TTC7B: variants seen among roughly 807,000 people sequenced by gnomAD.
The protein encoded by TTC7B is tetratricopeptide repeat protein 7B.
TTC7B carries 28 observed loss-of-function variants against 106.8 expected under a neutral mutation model. The ratio of observed to expected loss-of-function variants is 0.26; its 90% CI spans 0.19 to 0.36. TTC7B has a LOEUF of 0.36. TTC7B is among the 10% of genes least tolerant of loss of function. The pLI, the probability that TTC7B is intolerant of heterozygous loss-of-function variation, is 1.00. For synonymous variants in TTC7B, 405 were observed against 430.6 expected, an observed-to-expected ratio of 0.94 and a Z score of 0.74; for missense variants, 862 against 1,076.4, an observed-to-expected ratio of 0.80 and a Z score of 2.79.
chr14:90,593,247 T>C (rs1238839011), intron 18 of TTC7B, among the ~76,000 whole-genome samples: 2 of 152,212 alleles, frequency 1.3e-5, no homozygotes, highest in African/African-American at 2.4e-5. Flanking sequence ...CTTTCCTAGA[T>C]GTCTGCTCTG....
At chr14:90,603,866 T>A (rs990157040) in intron 17 of TTC7B, among the ~76,000 whole-genome samples, 2 of 152,060 alleles carry the variant, frequency 1.3e-5, no homozygotes, top group African/African-American at 4.8e-5. Context: ...TGGGAGGGGG[T>A]GGATTCTCGA....
At chr14:90,729,693 C>T (rs543310635) in intron 5 of TTC7B, among the ~76,000 whole-genome samples, 15 of 152,308 alleles carry the variant, frequency 9.8e-5, no homozygotes, top group African/African-American at 2.9e-4. Flanking sequence ...ACTGAAAGGG[C>T]GATGCTCCTG....
intron 19 of TTC7B, among the ~76,000 whole-genome samples, chr14:90,550,952 C>T (rs1044522166): frequency 1.3e-5 from 2 of 152,198 alleles, no homozygotes; most frequent in Admixed American, 6.5e-5. Flanking sequence ...CCTCTCCTTA[C>T]AGAGCATTAG....
chr14:90,568,973 C>T (rs1354185665), intron 19 of TTC7B, among the ~76,000 whole-genome samples: 1 of 152,206 alleles, frequency 6.6e-6, no homozygotes, highest in Non-Finnish European at 1.5e-5. Context: ...ATTCTCACCT[C>T]ACACCTGTTC....
rs148374143 is a variant in TTC7B, at chr14:90,678,803, G to A, written c.1014+1669C>T. ...TTAGTGCAAGCATTTTAGAGAGGTG[G>A]CCATGTTTTCCAAATTGCAGACTGG... On this transcript the variant is annotated intron_variant, in intron 8 of 19. Coordinates refer to ENST00000328459, the MANE Select transcript of TTC7B (RefSeq NM_001010854.2). Among the ~76,000 whole-genome samples the A allele has an allele frequency of 6.4e-3, 976 of 152,310 alleles. 5 individuals are homozygous for A. The highest frequency in any genetic ancestry group is 8.9e-3 in the Non-Finnish European group (603 of 68,024).
chr14:90,781,031 G>A, intron 2 of TTC7B, 125 bp from the exon 3 acceptor site: 1 of 806,832 alleles, frequency 1.2e-6, no homozygotes. Context: ...GGACGTGAAT[G>A]TTCTGAGCAG....
At position 90,709,357 on chromosome 14, in the gene TTC7B, TA is replaced by T. The variant is rs1476393767; in HGVS notation, c.699-13780del. ...TACACCATGGAATACTATGCAGCCA[TA>T]AAAAATGATGAGTTCATGTCCTTTG... is the stretch of plus-strand genomic sequence containing the variant. On this transcript the variant is annotated intron_variant, in intron 5 of 19. Transcript: ENST00000328459. 2.0e-5 allele frequency among the ~76,000 whole-genome samples: 3 copies of T among 150,902 alleles called. No homozygotes were observed. In the East Asian group the frequency reaches 5.9e-4, roughly 29 times the overall value.
chr14:90,571,582 A>G (rs1183379445), intron 19 of TTC7B, among the ~76,000 whole-genome samples: 5 of 152,244 alleles, frequency 3.3e-5, no homozygotes, highest in Admixed American at 6.5e-5. Context: ...TACAATTAAC[A>G]GATGAAAAGG....
intron 3 of TTC7B, among the ~76,000 whole-genome samples, chr14:90,762,330 A>G (rs1890527443): frequency 6.6e-6 from 1 of 152,228 alleles, no homozygotes. Context: ...AAACCCAGGC[A>G]GAAACCACTG....
At chr14:90,648,312 A>C (rs1200743545) in intron 13 of TTC7B, 1 of 152,090 alleles carries the variant, frequency 6.6e-6, no homozygotes, top group East Asian at 1.9e-4. Flanking sequence ...TGAAGCTGAT[A>C]TTGCCTGTGT....
intron 19 of TTC7B, among the ~76,000 whole-genome samples, chr14:90,560,243 G>A (rs1256248654): frequency 6.6e-6 from 1 of 152,232 alleles, no homozygotes; most frequent in Non-Finnish European, 1.5e-5. Flanking sequence ...AATTTCCGTG[G>A]TATAAACACT....
At chr14:90,546,932 C>T (rs1294575) in intron 19 of TTC7B, among the ~76,000 whole-genome samples, 76,293 of 152,128 alleles carry the variant, frequency 0.5, 19,317 homozygotes, top group Admixed American at 0.54. Context: ...CCAGATGACC[C>T]GCCTACAGGT....
rs997006970 is a variant in TTC7B at position 90,600,147 on chromosome 14, C to T, written c.1967-6521G>A. Among the ~76,000 whole-genome samples, 2 of 152,190 alleles carry T rather than the reference C, an allele frequency of 1.3e-5. No individual in the cohort carries two copies. Among genetic ancestry groups the T allele is most frequent in the Admixed American group, 1.3e-4 (2 of 15,280 alleles). ...AGAGGAAGAGGCATGAGTGTCCACT[C>T]CCACTTCGGCCCTCAAAGCAGGCAT... On this transcript the variant is annotated intron_variant, in intron 17 of 19. Transcript: ENST00000328459. This position sits in a 1 kb window ranked among gnomAD's most constrained non-coding sequence, Gnocchi z 4.3.
chr14:90,593,732 A>C, intron 17 of TTC7B, 106 bp from the exon 18 acceptor site: 1 of 1,145,792 alleles, frequency 8.7e-7, no homozygotes, highest in Non-Finnish European at 1.2e-6. Context: ...CCCTTCCCCC[A>C]TGATGTTTCT....
At chr14:90,642,599 T>A (rs1178619840) in intron 15 of TTC7B, 1 of 152,206 alleles carries the variant, frequency 6.6e-6, no homozygotes, top group African/African-American at 2.4e-5. Context: ...TTTCTGGCCA[T>A]TGTGTACTGG....
intron 5 of TTC7B, among the ~76,000 whole-genome samples, chr14:90,721,891 G>A (rs184945300): frequency 6.6e-6 from 1 of 152,348 alleles, no homozygotes; most frequent in East Asian, 1.9e-4. Context: ...ATCAATGTTT[G>A]TTGAATAATT....
chr14:90,806,640 C>T (rs1290808853), intron 1 of TTC7B, among the ~76,000 whole-genome samples: 1 of 152,218 alleles, frequency 6.6e-6, no homozygotes, highest in Non-Finnish European at 1.5e-5. Context: ...GGCACAGTGA[C>T]TCAAACCTGT....
intron 17 of TTC7B, among the ~76,000 whole-genome samples, chr14:90,596,205 C>T (rs910605790): frequency 2.0e-5 from 3 of 152,092 alleles, no homozygotes; most frequent in Non-Finnish European, 4.4e-5. Flanking sequence ...GCTCTGGAAA[C>T]ATTCCACACA....
At position 90,638,952 on chromosome 14, in the gene TTC7B, G is replaced by C. The variant is rs924858481; in HGVS notation, c.1751+5096C>G. On this transcript the variant is annotated intron_variant, in intron 15 of 19. Coordinates refer to ENST00000328459, the MANE Select transcript of TTC7B (RefSeq NM_001010854.2). The stretch of plus-strand genomic sequence containing the variant: ...CAAAGGTGGAACTGTGGAGCAACAG[G>C]GCAAAGAATCTTTTCAGCGTTTGAT... 5.3e-5 allele frequency among the ~76,000 whole-genome samples: 8 copies of C among 152,210 alleles called. No individual in the cohort carries two copies. In the South Asian group the frequency reaches 1.2e-3, roughly 24 times the overall value.
Sources: allele counts gnomAD v4.1 joint callset (sites outside exome capture counted in the v4.1 genomes callset), GRCh38; gene constraint gnomAD v4.1.1; non-coding constraint Gnocchi (gnomAD v3.1); transcripts MANE v1.5; gene names NCBI Gene and HGNC (gene_info 2026-07-23, HGNC 2026-07-21).